MGAT4C: variants seen among roughly 807,000 people sequenced by gnomAD.
MGAT4C encodes MGAT4 family member C, also known as alpha-1,3-mannosyl-glycoprotein 4-beta-N-acetylglucosaminyltransferase C.
MGAT4C carries 19 observed loss-of-function variants against 40.1 expected under a neutral mutation model. That is an observed-to-expected ratio of 0.47 (90% confidence interval 0.33 to 0.70). The LOEUF (loss-of-function observed/expected upper bound fraction) is 0.70. Ranked by LOEUF, MGAT4C falls within the 30% of genes least tolerant of loss-of-function variation. The pLI, the probability that MGAT4C is intolerant of heterozygous loss-of-function variation, is 0.02. For missense variants in MGAT4C, 491 were observed against 563.2 expected (o/e 0.87, Z 1.30); for synonymous variants, 181 against 187.1 (o/e 0.97, Z 0.27).
At chr12:86,331,108 T>C (rs1232643045) in intron 4 of MGAT4C, among the ~76,000 whole-genome samples, 2 of 152,096 alleles carry the variant, frequency 1.3e-5, no homozygotes, top group Non-Finnish European at 2.9e-5. Flanking sequence ...TTAAAAGTTA[T>C]AAGAAGGAAG....
At chr12:86,051,086 T>A (rs1254567362) in intron 1 of MGAT4C, among the ~76,000 whole-genome samples, 1 of 152,032 alleles carries the variant, frequency 6.6e-6, no homozygotes, top group Admixed American at 6.6e-5. Context: ...ATGGAGTTTA[T>A]GTTTTCAATA....
intron 2 of MGAT4C, among the ~76,000 whole-genome samples, chr12:86,633,854 A>T (rs2136509985): frequency 6.6e-6 from 1 of 152,182 alleles, no homozygotes; most frequent in East Asian, 1.9e-4. Flanking sequence ...TTCTTAGATC[A>T]TTAAGTTGCC....
At chr12:86,442,460 G>C (rs954340794) in intron 2 of MGAT4C, among the ~76,000 whole-genome samples, 31 of 152,040 alleles carry the variant, frequency 2.0e-4, no homozygotes, top group African/African-American at 7.2e-4. Context: ...TTTTTTTCTA[G>C]GGTTTTTATG....
At chr12:86,104,299 G>C (rs1001373658) in intron 1 of MGAT4C, among the ~76,000 whole-genome samples, 3 of 151,594 alleles carry the variant, frequency 2.0e-5, no homozygotes, top group Non-Finnish European at 4.4e-5. Context: ...AGTTAGGCGG[G>C]CATGGTGACT....
At chr12:86,154,587 C>G (rs902114410) in intron 1 of MGAT4C, among the ~76,000 whole-genome samples, 2 of 152,148 alleles carry the variant, frequency 1.3e-5, no homozygotes, top group Non-Finnish European at 2.9e-5. Context: ...AGGCTGAGAT[C>G]AGTTGGTAAC....
At chr12:86,355,559 T>C (rs1235033408) in intron 3 of MGAT4C, among the ~76,000 whole-genome samples, 2 of 151,658 alleles carry the variant, frequency 1.3e-5, no homozygotes, top group African/African-American at 4.8e-5. Context: ...TTTAGGCAAG[T>C]GGAGAAAAGT....
At chr12:86,036,012 T>A (rs1429958124) in intron 2 of MGAT4C, among the ~76,000 whole-genome samples, 1 of 150,126 alleles carries the variant, frequency 6.7e-6, no homozygotes, top group African/African-American at 2.4e-5. Context: ...GGTAGTGTGA[T>A]GCCTCCAGCT....
At chr12:86,111,073 A>G (rs998420215) in intron 1 of MGAT4C, among the ~76,000 whole-genome samples, 16 of 151,902 alleles carry the variant, frequency 1.1e-4, no homozygotes, top group South Asian at 4.1e-4. Context: ...GAATTTAATA[A>G]AATGTTAAAG....
At chr12:86,048,607 AT>A (rs1255887486) in intron 2 of MGAT4C, among the ~76,000 whole-genome samples, 53 of 152,214 alleles carry the variant, frequency 3.5e-4, no homozygotes, top group African/African-American at 1.2e-3. Flanking sequence ...AAAGGAAGAG[AT>A]ATGGAAAATA....
At chr12:86,466,971 T>C (rs1957691147) in intron 2 of MGAT4C, among the ~76,000 whole-genome samples, 1 of 152,220 alleles carries the variant, frequency 6.6e-6, no homozygotes, top group African/African-American at 2.4e-5. Flanking sequence ...CTACATAAAA[T>C]ATGACATTGA....
intron 2 of MGAT4C, among the ~76,000 whole-genome samples, chr12:86,708,722 G>A (rs571177110): frequency 2.5e-4 from 38 of 152,182 alleles, no homozygotes; most frequent in Non-Finnish European, 3.1e-4. Flanking sequence ...AGTCAAAGGA[G>A]ATCATTTTGG....
intron 1 of MGAT4C, among the ~76,000 whole-genome samples, chr12:86,150,382 C>A (rs1705984669): frequency 6.6e-6 from 1 of 152,136 alleles, no homozygotes; most frequent in Admixed American, 6.5e-5. Flanking sequence ...TACTGCCTGG[C>A]AAATAATACA....
intron 2 of MGAT4C, among the ~76,000 whole-genome samples, chr12:86,483,022 A>T (rs1400442149): frequency 6.6e-6 from 1 of 152,204 alleles, no homozygotes; most frequent in Non-Finnish European, 1.5e-5. Context: ...GCTATAACAA[A>T]ATATCATAGA....
Position 86,079,323 on chromosome 12 carries a change from C to T in MGAT4C, c.-56-29600G>A, listed in dbSNP as rs186408915. 2.6e-5 allele frequency among the ~76,000 whole-genome samples: 4 copies of T among 152,194 alleles called. 1 individual carries two copies. The highest frequency in any genetic ancestry group is 7.2e-5 in the African/African-American group (3 of 41,518). On this transcript the variant is annotated intron_variant, in intron 1 of 4. Transcript: ENST00000611864. ...TAGTATCTCTTAGAGTTGTAAAGGG[C>T]CCAAGAGACTTTTTCTCCTTTTAAT... is the stretch of plus-strand genomic sequence containing the variant.
intron 1 of MGAT4C, among the ~76,000 whole-genome samples, chr12:86,177,192 A>G (rs1471836358): frequency 6.6e-6 from 1 of 152,150 alleles, no homozygotes; most frequent in East Asian, 1.9e-4. Context: ...TCTCAGCAAC[A>G]GAGAAGAGGA....
chr12:86,250,974 T>C (rs1952249168), intron 1 of MGAT4C, among the ~76,000 whole-genome samples: 1 of 152,000 alleles, frequency 6.6e-6, no homozygotes, highest in Admixed American at 6.6e-5. Context: ...AGACACATAA[T>C]ACTAAGCAAG....
intron 2 of MGAT4C, among the ~76,000 whole-genome samples, chr12:86,649,716 T>G (rs1031017215): frequency 6.6e-6 from 1 of 151,792 alleles, no homozygotes; most frequent in Non-Finnish European, 1.5e-5. Context: ...TATTTAAATC[T>G]AAAGGCCGTT....
At chr12:86,392,868 A>G (rs1370238890) in intron 3 of MGAT4C, among the ~76,000 whole-genome samples, 1 of 152,198 alleles carries the variant, frequency 6.6e-6, no homozygotes, top group East Asian at 1.9e-4. Flanking sequence ...TACACTATAA[A>G]CAATCATATG....
intron 1 of MGAT4C, among the ~76,000 whole-genome samples, chr12:86,741,633 C>T (rs920782268): frequency 1.7e-4 from 26 of 151,302 alleles, no homozygotes; most frequent in Non-Finnish European, 3.0e-4. Flanking sequence ...AAAATGACTA[C>T]GCAGAATCAG....
Sources: allele counts gnomAD v4.1 joint callset (sites outside exome capture counted in the v4.1 genomes callset), GRCh38; gene constraint gnomAD v4.1.1; transcripts MANE v1.5; gene names NCBI Gene and HGNC (gene_info 2026-07-23, HGNC 2026-07-21).